The following SLCO1B3 variants were observed in gnomAD, a reference collection of about 807,000 sequenced individuals.
SLCO1B3 encodes the protein solute carrier organic anion transporter family member 1B3.
In SLCO1B3, 72 loss-of-function variants were observed where a neutral mutation model predicts 71.8. The ratio of observed to expected loss-of-function variants is 1.00; its 90% CI spans 0.83 to 1.22. The LOEUF (loss-of-function observed/expected upper bound fraction) is 1.22, where lower values mean the gene tolerates loss of function less well. SLCO1B3 is among the 50% of genes most tolerant of loss of function. SLCO1B3 has a pLI of 0.00. For missense variants in SLCO1B3, 911 were observed against 819.7 expected (o/e 1.11, Z -1.36); for synonymous variants, 298 against 278.4 (o/e 1.07, Z -0.70).
chr12:20,813,499 A>AGGCTGACCACAT (rs1156607287), intron 1 of SLCO1B3, 25 bp from the exon 2 acceptor site: 2 of 152,168 alleles, frequency 1.3e-5, no homozygotes, highest in Non-Finnish European at 2.9e-5. Context: ...TTCACAGTGC[A>AGGCTGACCACAT]TTTATCGCCA....
intron 8 of SLCO1B3, among the ~76,000 whole-genome samples, chr12:20,866,502 A>G (rs1255264744): frequency 1.3e-5 from 2 of 152,202 alleles, no homozygotes; most frequent in African/African-American, 4.8e-5. Flanking sequence ...ATGAAAACTT[A>G]AAGCAAAAGG....
At chr12:20,840,280 G>A (rs1864767545) in intron 3 of SLCO1B3, among the ~76,000 whole-genome samples, 2 of 152,112 alleles carry the variant, frequency 1.3e-5, no homozygotes, top group Non-Finnish European at 1.5e-5. Context: ...CTTCAATAAT[G>A]TGTTGGTAAG....
At chr12:20,861,262 C>A in intron 6 of SLCO1B3, 124 bp downstream of exon 6, 5 of 836,688 alleles carry the variant, frequency 6.0e-6, no homozygotes, top group Non-Finnish European at 8.8e-6. Flanking sequence ...TTATCCCTTA[C>A]ATACAGACAA....
chr12:20,913,323 A>G (rs1416127798), intron 15 of SLCO1B3, among the ~76,000 whole-genome samples: 2 of 152,196 alleles, frequency 1.3e-5, no homozygotes, highest in Non-Finnish European at 2.9e-5. Flanking sequence ...TCTATGGTGA[A>G]ATTGGTTTCA....
chr12:20,829,280 A>G (rs1202270737), intron 3 of SLCO1B3, among the ~76,000 whole-genome samples: 1 of 152,188 alleles, frequency 6.6e-6, no homozygotes, highest in Non-Finnish European at 1.5e-5. Context: ...CAAGACAAAA[A>G]CTACAATTCA....
At chr12:20,856,894 T>A (rs1215162070) in intron 4 of SLCO1B3, among the ~76,000 whole-genome samples, 1 of 152,124 alleles carries the variant, frequency 6.6e-6, no homozygotes, top group African/African-American at 2.4e-5. Flanking sequence ...GACTTGAGCA[T>A]CCACAAATCT....
chr12:20,899,627 C>T (rs1866087704), intron 14 of SLCO1B3, among the ~76,000 whole-genome samples: 1 of 152,130 alleles, frequency 6.6e-6, no homozygotes, highest in South Asian at 2.1e-4. Flanking sequence ...CCTAATCTTC[C>T]AGCCTCTGTA....
chr12:20,885,533 A>C (rs1196138891), intron 13 of SLCO1B3, among the ~76,000 whole-genome samples: 1 of 152,040 alleles, frequency 6.6e-6, no homozygotes, highest in Non-Finnish European at 1.5e-5. Flanking sequence ...AATCAGAGTC[A>C]GAAAATAGAA....
At chr12:20,909,747 G>C (rs1331141714) in intron 15 of SLCO1B3, among the ~76,000 whole-genome samples, 1 of 152,076 alleles carries the variant, frequency 6.6e-6, no homozygotes, top group Non-Finnish European at 1.5e-5. Flanking sequence ...ATCTCGCTCT[G>C]TTGCCCAAAC....
At chr12:20,835,653 C>T (rs1864663674) in intron 3 of SLCO1B3, among the ~76,000 whole-genome samples, 1 of 152,276 alleles carries the variant, frequency 6.6e-6, no homozygotes, top group Non-Finnish European at 1.5e-5. Flanking sequence ...TTGTCCATAT[C>T]AGTATCAGTG....
intron 13 of SLCO1B3, among the ~76,000 whole-genome samples, chr12:20,884,873 G>T (rs935235146): frequency 6.6e-6 from 1 of 151,846 alleles, no homozygotes; most frequent in African/African-American, 2.4e-5. Context: ...CACCCTGCCT[G>T]CAAATTTTCT....
intron 15 of SLCO1B3, among the ~76,000 whole-genome samples, chr12:20,915,223 A>T (rs1051611565): frequency 6.6e-6 from 1 of 151,908 alleles, no homozygotes; most frequent in African/African-American, 2.4e-5. Flanking sequence ...TTATTGATAT[A>T]AACTTAGAGA....
intron 3 of SLCO1B3, chr12:20,845,404 A>G: frequency 5.2e-6 from 1 of 194,172 alleles, no homozygotes. Flanking sequence ...TCTCATCCCA[A>G]GACCTACTTT....
At chr12:20,849,719 A>T (rs1293594506) in intron 3 of SLCO1B3, among the ~76,000 whole-genome samples, 9 of 96,476 alleles carry the variant, frequency 9.3e-5, no homozygotes, top group African/African-American at 2.8e-4. Flanking sequence ...AATCACACAC[A>T]CACACACACA....
intron 3 of SLCO1B3, among the ~76,000 whole-genome samples, chr12:20,832,646 G>A (rs1864569247): frequency 6.6e-6 from 1 of 151,914 alleles, no homozygotes; most frequent in South Asian, 2.1e-4. Flanking sequence ...GGCCATGGTG[G>A]CCTTTTTGCT....
intron 13 of SLCO1B3, among the ~76,000 whole-genome samples, chr12:20,892,314 T>G (rs1368454117): frequency 6.6e-6 from 1 of 152,154 alleles, no homozygotes; most frequent in African/African-American, 2.4e-5. Flanking sequence ...GAAAGGGAAG[T>G]GCAACAGTCA....
chr12:20,906,661 A>G (rs1193785593), intron 15 of SLCO1B3, among the ~76,000 whole-genome samples: 1 of 152,130 alleles, frequency 6.6e-6, no homozygotes, highest in African/African-American at 2.4e-5. Context: ...AAAATCACGA[A>G]ACATTTTTCA....
chr12:20,861,340 T>C (rs1337377766), intron 6 of SLCO1B3, among the ~76,000 whole-genome samples: 2 of 66,864 alleles, frequency 3.0e-5, no homozygotes, highest in Admixed American at 4.0e-4. Context: ...TGTTCGCTTA[T>C]ATGCAGCTTT....
At position 20,840,867 on chromosome 12, in the gene SLCO1B3, T is replaced by TA. The variant is rs1440791324; in HGVS notation, c.85-14156dup. Among the ~76,000 whole-genome samples, 5 of 152,074 alleles carry TA rather than the reference T, an allele frequency of 3.3e-5. No homozygotes were observed. The East Asian group carries it at 9.7e-4, about 29-fold the overall frequency. On this transcript the variant is annotated intron_variant, in intron 3 of 15. Transcript: ENST00000381545. ...TGAGGGCAAGTCTCATAATCCCTAT[T>TA]AAAAACAAAGTGCTCTGGCCTATTT...
Sources: allele counts gnomAD v4.1 joint callset (sites outside exome capture counted in the v4.1 genomes callset), GRCh38; gene constraint gnomAD v4.1.1; transcripts MANE v1.5; gene names NCBI Gene and HGNC (gene_info 2026-07-23, HGNC 2026-07-21).